DYNC2I1: variants seen among roughly 807,000 people sequenced by gnomAD.
The protein encoded by DYNC2I1 is dynein 2 intermediate chain 1, also known as cytoplasmic dynein 2 intermediate chain 1.
A neutral mutation model predicts 133.4 loss-of-function variants in DYNC2I1; 89 were observed. The observed-to-expected ratio is 0.67, with a 90% CI of 0.56 to 0.80. DYNC2I1 has a LOEUF of 0.80. DYNC2I1 is among the 30% of genes least tolerant of loss of function. The pLI is 0.00. For missense variants in DYNC2I1, 1,291 were observed against 1,314.5 expected (o/e 0.98, Z 0.28); for synonymous variants, 504 against 484.3 (o/e 1.04, Z -0.54).
At chr7:158,883,438 C>T (rs1015623394) in intron 5 of DYNC2I1, among the ~76,000 whole-genome samples, 3 of 149,230 alleles carry the variant, frequency 2.0e-5, no homozygotes, top group South Asian at 2.1e-4. Context: ...AGGCTGGCCT[C>T]GAGCTCCTGA....
At position 158,876,590 on chromosome 7, in the gene DYNC2I1, T is replaced by C; in HGVS notation, c.491-19T>C. On this transcript the variant is annotated intron_variant, in intron 3 of 24. Transcript: ENST00000407559. ...TGCTAACATTTGGGAGTATTAAAAA[T>C]ATGTTTTACTTCTTGTAGTAAGTAA... 6.5e-7 allele frequency: 1 copy of C among 1,547,466 alleles called. No individual in the cohort carries two copies. Among genetic ancestry groups the C allele is most frequent in the South Asian group, 1.3e-5 (1 of 78,590 alleles).
chr7:158,907,118 A>G (rs1048898471), intron 11 of DYNC2I1, among the ~76,000 whole-genome samples: 4 of 151,576 alleles, frequency 2.6e-5, no homozygotes, highest in African/African-American at 7.3e-5. Flanking sequence ...TGGCTGCACC[A>G]CTGCACTCCA....
intron 8 of DYNC2I1, among the ~76,000 whole-genome samples, chr7:158,898,194 A>T (rs1345801643): frequency 6.6e-6 from 1 of 152,230 alleles, no homozygotes; most frequent in Non-Finnish European, 1.5e-5. Flanking sequence ...CCAGCTTGAT[A>T]AGAATGTGTA....
At chr7:158,889,709 A>T (rs1845001895) in intron 7 of DYNC2I1, among the ~76,000 whole-genome samples, 1 of 151,912 alleles carries the variant, frequency 6.6e-6, no homozygotes, top group Non-Finnish European at 1.5e-5. Context: ...AACAACAACA[A>T]AATTAACAAA....
At chr7:158,868,503 G>A (rs536961183) in intron 1 of DYNC2I1, among the ~76,000 whole-genome samples, 98 of 152,344 alleles carry the variant, frequency 6.4e-4, no homozygotes, top group African/African-American at 2.2e-3. Context: ...CAGAGGAGCT[G>A]GACGGTGTTT....
At chr7:158,909,962 G>C (rs1847229408) in intron 11 of DYNC2I1, among the ~76,000 whole-genome samples, 1 of 152,160 alleles carries the variant, frequency 6.6e-6, no homozygotes, top group African/African-American at 2.4e-5. Flanking sequence ...GATCGGGGGA[G>C]GAGGAGGAGC....
intron 7 of DYNC2I1, 100 bp downstream of exon 7, chr7:158,887,175 G>A (rs978037211): frequency 2.5e-6 from 3 of 1,196,140 alleles, no homozygotes; most frequent in Non-Finnish European, 3.7e-6. Context: ...GCCGAGACAG[G>A]GCTCATTTGC....
intron 20 of DYNC2I1, 39 bp downstream of exon 20, chr7:158,927,082 A>C (rs1349265814): frequency 1.4e-6 from 2 of 1,444,904 alleles, no homozygotes; most frequent in African/African-American, 1.4e-5. Context: ...AGTGTTTTCT[A>C]AAATGAATCG....
chr7:158,849,038 A>G, the DYNC2I1 span, among the ~76,000 whole-genome samples: 1 of 152,202 alleles, frequency 6.6e-6, no homozygotes, highest in Non-Finnish European at 1.5e-5. Context: ...AGAGAAATCA[A>G]AAGGCAAAGG....
chr7:158,913,716 AT>A (rs1184361524), intron 13 of DYNC2I1, among the ~76,000 whole-genome samples: 2 of 150,638 alleles, frequency 1.3e-5, no homozygotes, highest in South Asian at 2.1e-4. Context: ...TTGAAAAAAA[AT>A]TTTTTTTTTG....
At position 158,945,713 on chromosome 7, in the gene DYNC2I1, C is replaced by T. The variant is rs748764557; in HGVS notation, c.3135C>T (p.Asp1045=). The change falls in exon 25 of 25, where the codon GAC becomes GAT. Residue 1045 remains aspartate (D), a synonymous_variant. Coordinates refer to ENST00000407559, the MANE Select transcript of DYNC2I1 (RefSeq NM_018051.5). The surrounding 1 kb of genome is among the most constrained non-coding windows in gnomAD (Gnocchi z 4.1). Reference sequence around the variant, plus strand: ...GGCGGTGGGCGGCCCCGGAGGTGGACGAGTGCAACAGGCTGCGTCTGCTTT... The same window carrying T: ...GGCGGTGGGCGGCCCCGGAGGTGGATGAGTGCAACAGGCTGCGTCTGCTTT... The part of the protein sequence containing the change: ...LKRRWAAPEV[D]ECNRLRLLLQ... 5 of 1,610,278 alleles carry T rather than the reference C, an allele frequency of 3.1e-6. No homozygotes were observed. Among genetic ancestry groups the T allele is most frequent in the Non-Finnish European group, 4.2e-6 (5 of 1,178,240 alleles).
chr7:158,902,254 T>C (rs543489732), intron 9 of DYNC2I1, 122 bp from the exon 10 acceptor site: 1 of 781,958 alleles, frequency 1.3e-6, no homozygotes, highest in South Asian at 1.9e-5. Context: ...TAAATATCTT[T>C]CTTAGCTGTA....
chr7:158,884,678 A>G, intron 6 of DYNC2I1, 59 bp downstream of exon 6: 1 of 1,581,254 alleles, frequency 6.3e-7, no homozygotes. Context: ...GGAATGCTTC[A>G]GGGAATTTTC....
chr7:158,877,222 G>A (rs923345115), intron 4 of DYNC2I1, among the ~76,000 whole-genome samples: 10 of 121,992 alleles, frequency 8.2e-5, no homozygotes, highest in East Asian at 2.4e-4. Flanking sequence ...TGGTGCTCTC[G>A]AGGCACCTGC....
chr7:158,881,757 T>C (rs1411694879), intron 5 of DYNC2I1, among the ~76,000 whole-genome samples: 1 of 152,196 alleles, frequency 6.6e-6, no homozygotes, highest in East Asian at 1.9e-4. Context: ...CCGGCCATTT[T>C]TTTTGTTTCT....
At chr7:158,917,698 A>G (rs142962548) in intron 14 of DYNC2I1, among the ~76,000 whole-genome samples, 2,693 of 148,950 alleles carry the variant, frequency 0.018, 91 homozygotes, top group Admixed American at 0.044. Context: ...CCTCTCACTA[A>G]ACACCCCCTG....
chr7:158,878,107 CAT>C (rs1344921002), intron 4 of DYNC2I1, among the ~76,000 whole-genome samples: 3 of 138,024 alleles, frequency 2.2e-5, no homozygotes, highest in African/African-American at 8.4e-5. Flanking sequence ...TGCTGGGCAT[CAT>C]GTGGGGAGGC....
chr7:158,877,089 C>T (rs1247288176), intron 4 of DYNC2I1, among the ~76,000 whole-genome samples: 2 of 152,214 alleles, frequency 1.3e-5, no homozygotes, highest in African/African-American at 4.8e-5. Context: ...GAGCCTTTTC[C>T]TGAGTGATCC....
rs1395364303 is a variant in DYNC2I1 at position 158,922,371 on chromosome 7, C to T, written c.1922-6C>T. 2.5e-6 allele frequency: 4 copies of T among 1,605,936 alleles called. No individual in the cohort carries two copies. Among genetic ancestry groups the T allele is most frequent in the African/African-American group, 2.9e-5 (2 of 69,712 alleles). On this transcript the variant is annotated splice_region_variant and splice_polypyrimidine_tract_variant and intron_variant, in intron 15 of 24. Coordinates refer to ENST00000407559, the MANE Select transcript of DYNC2I1 (RefSeq NM_018051.5). ...TGAAATGTGAACATATTTTTCTTCTCCCTAGATCGAAAAGTATCCTCCTTG... is the reference window on the plus strand; with the variant it reads ...TGAAATGTGAACATATTTTTCTTCTTCCTAGATCGAAAAGTATCCTCCTTG...
Sources: gnomAD v4.1 joint callset for allele counts (sites outside exome capture counted in the v4.1 genomes callset) on GRCh38, gnomAD v4.1.1 for gene constraint, Gnocchi (gnomAD v3.1) non-coding constraint, MANE v1.5 for transcripts, NCBI Gene and HGNC (gene_info 2026-07-23, HGNC 2026-07-21) for gene names.